CEP112: variants seen among roughly 807,000 people sequenced by gnomAD.
CEP112 encodes the protein centrosomal protein 112, also known as centrosomal protein of 112 kDa.
In CEP112, 127 loss-of-function variants were observed where a neutral mutation model predicts 153.0. The ratio of observed to expected loss-of-function variants is 0.83; its 90% confidence interval spans 0.72 to 0.96. The LOEUF is 0.96. Among genes scored for constraint, CEP112 ranks in the 40% least tolerant of loss-of-function variants. The pLI, the probability that CEP112 is intolerant of heterozygous loss-of-function variation, is 0.00. For synonymous variants in CEP112, 358 were observed against 374.4 expected, an observed-to-expected ratio of 0.96 and a Z score of 0.51; for missense variants, 1,089 against 1,101.2, an observed-to-expected ratio of 0.99 and a Z score of 0.16.
intron 20 of CEP112, among the ~76,000 whole-genome samples, chr17:65,853,108 T>C (rs1454333965): frequency 6.6e-6 from 1 of 152,198 alleles, no homozygotes; most frequent in African/African-American, 2.4e-5. Flanking sequence ...ACAAACTAGA[T>C]GGCTTAAAAG....
chr17:65,927,425 T>C (rs768807690), intron 19 of CEP112, among the ~76,000 whole-genome samples, 157 bp downstream of exon 19: 1 of 152,252 alleles, frequency 6.6e-6, no homozygotes, highest in Non-Finnish European at 1.5e-5. Context: ...ATTCTGTTTA[T>C]AGATTTTATT....
chr17:66,080,982 G>A (rs1039950017), intron 8 of CEP112, among the ~76,000 whole-genome samples: 7 of 151,776 alleles, frequency 4.6e-5, no homozygotes, highest in Admixed American at 1.3e-4. Flanking sequence ...TGGACACAGC[G>A]AGAGGAACAT....
chr17:65,698,255 G>A (rs1020607772), intron 23 of CEP112, among the ~76,000 whole-genome samples: 6 of 152,110 alleles, frequency 3.9e-5, no homozygotes, highest in African/African-American at 1.4e-4. Context: ...ACTTTCATAT[G>A]AGCTATTGCT....
intron 17 of CEP112, among the ~76,000 whole-genome samples, chr17:65,998,283 T>C (rs1172213051): frequency 2.9e-5 from 4 of 137,574 alleles, no homozygotes; most frequent in African/African-American, 8.4e-5. Context: ...CTCAGGAAAC[T>C]GGGGTGGGAG....
At chr17:65,744,341 C>T (rs1567950971) in intron 22 of CEP112, among the ~76,000 whole-genome samples, 1 of 152,112 alleles carries the variant, frequency 6.6e-6, no homozygotes, top group Non-Finnish European at 1.5e-5. Context: ...GTAACCTCCA[C>T]CTCCCGGGTT....
At chr17:66,157,085 C>T (rs1432208593) in intron 4 of CEP112, among the ~76,000 whole-genome samples, 1 of 152,068 alleles carries the variant, frequency 6.6e-6, no homozygotes, top group Non-Finnish European at 1.5e-5. Context: ...GTCAGATTCA[C>T]CAAGGTTGCA....
chr17:66,129,947 T>TAAAAAAGG (rs1555805575), intron 5 of CEP112, 124 bp from the exon 6 acceptor site: 6 of 400,826 alleles, frequency 1.5e-5, no homozygotes, highest in Admixed American at 5.8e-5. Flanking sequence ...AGGAAGGAAG[T>TAAAAAAGG]AAAAAAGGAA....
At chr17:65,851,217 T>G (rs1008361763) in intron 21 of CEP112, among the ~76,000 whole-genome samples, 2 of 152,234 alleles carry the variant, frequency 1.3e-5, no homozygotes, top group African/African-American at 4.8e-5. Flanking sequence ...ATAGTTATAC[T>G]TTTTCTGAAC....
chr17:65,832,925 A>G (rs2057146501), intron 21 of CEP112, among the ~76,000 whole-genome samples: 1 of 152,200 alleles, frequency 6.6e-6, no homozygotes, highest in African/African-American at 2.4e-5. Flanking sequence ...TTAGGCCAAT[A>G]TACTTGATGA....
intron 21 of CEP112, among the ~76,000 whole-genome samples, chr17:65,807,353 A>G (rs1205027095): frequency 6.6e-6 from 1 of 152,244 alleles, no homozygotes. Context: ...GAAGCAAAGC[A>G]TACAAGTTTG....
intron 17 of CEP112, among the ~76,000 whole-genome samples, chr17:65,996,494 G>T (rs941626242): frequency 3.5e-4 from 53 of 152,084 alleles, no homozygotes; most frequent in African/African-American, 1.2e-3. Context: ...GGAAGAAAAG[G>T]TACTCAGATG....
intron 19 of CEP112, among the ~76,000 whole-genome samples, chr17:65,914,231 T>A (rs999716179): frequency 1.2e-4 from 18 of 150,978 alleles, no homozygotes; most frequent in African/African-American, 3.9e-4. Flanking sequence ...CTACAACACA[T>A]TCAGTTCTCA....
chr17:65,901,196 C>T (rs776076984), intron 20 of CEP112, among the ~76,000 whole-genome samples: 30 of 152,012 alleles, frequency 2.0e-4, no homozygotes, highest in Middle Eastern at 6.8e-3. Flanking sequence ...ATATTATTTG[C>T]GGAGGAAGAA....
rs142005562 is a variant in CEP112 at position 65,945,489 on chromosome 17, T to C, written c.1872+15974A>G. 4.7e-4 allele frequency among the ~76,000 whole-genome samples: 72 copies of C among 152,346 alleles called. 1 individual carries two copies. The East Asian group carries it at 5.8e-3, about 12-fold the overall frequency. On this transcript the variant is annotated intron_variant, in intron 18 of 26. Transcript: ENST00000535342. ...TTTCCAAAATGGTTGTACCCATTTA[T>C]ATTCATATTAGTAGTATACATCAGT... is the stretch of plus-strand genomic sequence containing the variant.
At chr17:65,984,759 C>T (rs9303497) in intron 17 of CEP112, among the ~76,000 whole-genome samples, 79,226 of 152,158 alleles carry the variant, frequency 0.52, 21,642 homozygotes, top group African/African-American at 0.6. Flanking sequence ...CCAAGATACA[C>T]ATTTGTATAG....
intron 24 of CEP112, among the ~76,000 whole-genome samples, chr17:65,669,572 C>T (rs977353954): frequency 2.6e-5 from 4 of 152,042 alleles, no homozygotes; most frequent in Admixed American, 6.6e-5. Context: ...GGCCTAAAAT[C>T]AGAAGACAAT....
intron 20 of CEP112, among the ~76,000 whole-genome samples, chr17:65,863,116 A>T (rs925322160): frequency 6.6e-5 from 10 of 152,180 alleles, no homozygotes; most frequent in Admixed American, 2.6e-4. Context: ...CTCCATTTTC[A>T]TTATTCTGGA....
chr17:65,811,104 G>A (rs1012708886), intron 21 of CEP112, among the ~76,000 whole-genome samples: 1 of 152,170 alleles, frequency 6.6e-6, no homozygotes, highest in African/African-American at 2.4e-5. Context: ...TTGGCCTTAC[G>A]TTCAAGGGAA....
At chr17:65,741,524 TTAAG>T (rs1465350179) in intron 23 of CEP112, among the ~76,000 whole-genome samples, 4 of 150,822 alleles carry the variant, frequency 2.7e-5, no homozygotes, top group Admixed American at 2.6e-4. Context: ...AATTTAAAAA[TTAAG>T]TAATTTAAAA....
Sources: gnomAD v4.1 joint callset for allele counts (sites outside exome capture counted in the v4.1 genomes callset) on GRCh38, gnomAD v4.1.1 for gene constraint, MANE v1.5 for transcripts, NCBI Gene and HGNC (gene_info 2026-07-23, HGNC 2026-07-21) for gene names.